Variants in ADAMTSL1 observed in about 807,000 individuals in gnomAD.
The protein encoded by ADAMTSL1 is ADAMTS-like protein 1.
A neutral mutation model predicts 201.8 loss-of-function variants in ADAMTSL1; 126 were observed. The observed-to-expected ratio is 0.62, with a 90% confidence interval of 0.54 to 0.72. ADAMTSL1 has a LOEUF of 0.72. Among genes scored for constraint, ADAMTSL1 ranks in the 30% least tolerant of loss-of-function variants. The pLI is 0.00. For missense variants in ADAMTSL1, 2,679 were observed against 2,277.8 expected, an observed-to-expected ratio of 1.18 and a Z score of -3.59; for synonymous variants, 1,121 against 903.4, an observed-to-expected ratio of 1.24 and a Z score of -4.32.
chr9:18,717,270 A>T (rs1833009807), intron 14 of ADAMTSL1, among the ~76,000 whole-genome samples: 1 of 149,556 alleles, frequency 6.7e-6, no homozygotes, highest in African/African-American at 2.4e-5. Flanking sequence ...AATAAAATAA[A>T]ATAAAAATTT....
intron 2 of ADAMTSL1, among the ~76,000 whole-genome samples, chr9:18,335,585 T>C (rs1306231682): frequency 6.6e-6 from 1 of 152,146 alleles, no homozygotes; most frequent in Non-Finnish European, 1.5e-5. Flanking sequence ...CCCTCCTAGG[T>C]GCTTCACATG....
chr9:18,089,461 G>C (rs1419240821), intron 1 of ADAMTSL1, among the ~76,000 whole-genome samples: 1 of 149,478 alleles, frequency 6.7e-6, no homozygotes, highest in Admixed American at 6.7e-5. Context: ...ACTGGGGCCT[G>C]TCGGGGGGTG....
At chr9:18,358,459 C>G (rs1836355054) in intron 2 of ADAMTSL1, among the ~76,000 whole-genome samples, 1 of 152,058 alleles carries the variant, frequency 6.6e-6, no homozygotes, top group Non-Finnish European at 1.5e-5. Context: ...CAACCATAAC[C>G]ACTAATTCCA....
Position 18,149,383 on chromosome 9 carries a change from C to A in ADAMTSL1, c.88-14479C>A, listed in dbSNP as rs113415092. 5.4e-3 allele frequency among the ~76,000 whole-genome samples: 823 copies of A among 152,026 alleles called. 13 individuals carry two copies. The highest frequency in any genetic ancestry group is 0.019 in the African/African-American group (773 of 41,500). ...GCAAAGAAGAAAAAATGGTTGGAGACGAGTCTATAGGGATAAATGGAGACC... is the reference window on the plus strand; with the variant it reads ...GCAAAGAAGAAAAAATGGTTGGAGAAGAGTCTATAGGGATAAATGGAGACC... On this transcript the variant is annotated intron_variant, in intron 1 of 29. Coordinates refer to the ADAMTSL1 transcript ENST00000680146.
chr9:18,765,626 G>T (rs1376738794), intron 16 of ADAMTSL1, among the ~76,000 whole-genome samples: 1 of 152,106 alleles, frequency 6.6e-6, no homozygotes, highest in Non-Finnish European at 1.5e-5. Flanking sequence ...AGAAGGAAAA[G>T]GAGAGAGCAT....
At chr9:18,366,246 T>C (rs532493132) in intron 2 of ADAMTSL1, among the ~76,000 whole-genome samples, 44 of 152,204 alleles carry the variant, frequency 2.9e-4, no homozygotes, top group African/African-American at 1.0e-3. Flanking sequence ...CTATACAGCC[T>C]TTCTTTTTTG....
At chr9:18,483,083 A>G (rs1013583532) in intron 1 of ADAMTSL1, among the ~76,000 whole-genome samples, 2 of 152,216 alleles carry the variant, frequency 1.3e-5, no homozygotes, top group Non-Finnish European at 2.9e-5. Flanking sequence ...TGCATGCGGA[A>G]TGTGACCTCA....
rs1056744895 is a variant in ADAMTSL1 at position 18,560,043 on chromosome 9, A to G, written c.238-13987A>G. Reference sequence around the variant, plus strand: ...TGCCCGGGCCAGAACTTCCAATATTATGTTGAATAGGAGTGGTGAGAGAGG... The same window carrying G: ...TGCCCGGGCCAGAACTTCCAATATTGTGTTGAATAGGAGTGGTGAGAGAGG... On this transcript the variant is annotated intron_variant, in intron 3 of 28. Coordinates refer to ENST00000380548, the MANE Select transcript of ADAMTSL1 (RefSeq NM_001040272.6). Among the ~76,000 whole-genome samples the G allele has an allele frequency of 2.0e-5, 3 of 152,182 alleles. 1 individual carries two copies. In the South Asian group the frequency reaches 6.2e-4, roughly 32 times the overall value.
Position 18,080,418 on chromosome 9 carries a change from C to G in ADAMTSL1, c.88-83444C>G, listed in dbSNP as rs562302014. Reference sequence around the variant, plus strand: ...AGCAAAATCTTAAGATAGCATTGTGCATTAGGAGTTGTGATTCTATCTCCT... The same window carrying G: ...AGCAAAATCTTAAGATAGCATTGTGGATTAGGAGTTGTGATTCTATCTCCT... On this transcript the variant is annotated intron_variant, in intron 1 of 29. Transcript: ENST00000680146. Among the ~76,000 whole-genome samples the G allele has an allele frequency of 5.3e-5, 8 of 152,280 alleles. No homozygotes were observed. In the South Asian group the frequency reaches 1.7e-3, roughly 32 times the overall value.
At chr9:18,225,632 C>G (rs1830411152) in intron 2 of ADAMTSL1, among the ~76,000 whole-genome samples, 1 of 152,042 alleles carries the variant, frequency 6.6e-6, no homozygotes, top group Admixed American at 6.6e-5. Context: ...TTTAGATAAC[C>G]TTCAGTTATT....
At chr9:18,558,033 A>T (rs940482188) in intron 3 of ADAMTSL1, among the ~76,000 whole-genome samples, 1 of 152,060 alleles carries the variant, frequency 6.6e-6, no homozygotes, top group East Asian at 1.9e-4. Flanking sequence ...AATATACTTT[A>T]AATACTGGGA....
intron 1 of ADAMTSL1, among the ~76,000 whole-genome samples, chr9:17,983,322 G>A (rs1381665142): frequency 2.0e-5 from 3 of 151,996 alleles, no homozygotes; most frequent in Admixed American, 6.6e-5. Flanking sequence ...GCCCGCCTCA[G>A]CCTCCCAAAG....
intron 7 of ADAMTSL1, among the ~76,000 whole-genome samples, chr9:18,650,117 C>T (rs540191763): frequency 4.6e-5 from 7 of 152,310 alleles, no homozygotes; most frequent in South Asian, 2.1e-4. Context: ...CCCCAAGCCT[C>T]GCTGCCGCCT....
chr9:18,458,666 G>A (rs1344748294), intron 2 of ADAMTSL1, among the ~76,000 whole-genome samples: 2 of 152,088 alleles, frequency 1.3e-5, no homozygotes, highest in Non-Finnish European at 2.9e-5. Context: ...TTTATATACC[G>A]GGAAAAAGAT....
intron 11 of ADAMTSL1, chr9:18,680,894 CT>C: frequency 8.3e-6 from 2 of 241,132 alleles, no homozygotes; most frequent in Non-Finnish European, 1.6e-5. Context: ...ATGTATTATG[CT>C]TTGTATCCGA....
intron 1 of ADAMTSL1, among the ~76,000 whole-genome samples, chr9:17,914,251 ACATTGATG>A (rs1364133633): frequency 4.6e-5 from 7 of 152,182 alleles, no homozygotes; most frequent in African/African-American, 1.7e-4. Flanking sequence ...TCCTTGATGA[ACATTGATG>A]CAAAAATCCT....
chr9:18,053,616 T>A (rs754281998), intron 1 of ADAMTSL1, among the ~76,000 whole-genome samples: 7 of 152,302 alleles, frequency 4.6e-5, no homozygotes, highest in Admixed American at 2.0e-4. Flanking sequence ...CTTGCCCAAG[T>A]CTTTCTGTTA....
At chr9:18,813,356 TAA>T (rs1396878453) in intron 20 of ADAMTSL1, among the ~76,000 whole-genome samples, 1 of 152,238 alleles carries the variant, frequency 6.6e-6, no homozygotes, top group African/African-American at 2.4e-5. Flanking sequence ...TCTATTTTTG[TAA>T]AGAGTGTCAT....
chr9:18,391,286 A>G (rs755312726), intron 2 of ADAMTSL1, among the ~76,000 whole-genome samples: 4 of 152,206 alleles, frequency 2.6e-5, no homozygotes, highest in Non-Finnish European at 4.4e-5. Flanking sequence ...CCTTTTCAGT[A>G]TAATTGCATC....
Sources: gnomAD v4.1 joint callset for allele counts (sites outside exome capture counted in the v4.1 genomes callset) on GRCh38, gnomAD v4.1.1 for gene constraint, MANE v1.5 for transcripts, NCBI Gene and HGNC (gene_info 2026-07-23, HGNC 2026-07-21) for gene names.